Variants in SULF1 observed in about 807,000 individuals in gnomAD.
SULF1 encodes the protein extracellular sulfatase Sulf-1.
Under a neutral mutation model 110.5 loss-of-function variants are expected in SULF1, and 46 were observed. The observed-to-expected ratio is 0.42, with a 90% CI of 0.33 to 0.53. SULF1 has a LOEUF of 0.53. SULF1 is among the 20% of genes least tolerant of loss of function. The probability of loss-of-function intolerance (pLI) is 0.12; values close to 1 mark genes in which losing one functional copy is unlikely to be tolerated. For synonymous variants in SULF1, 371 were observed against 387.1 expected, an observed-to-expected ratio of 0.96 and a Z score of 0.49; for missense variants, 941 against 1,094.2, an observed-to-expected ratio of 0.86 and a Z score of 1.98.
chr8:69,566,152 G>C (rs894593046), intron 5 of SULF1, among the ~76,000 whole-genome samples: 2 of 151,966 alleles, frequency 1.3e-5, no homozygotes, highest in Non-Finnish European at 2.9e-5. Flanking sequence ...GAGCAAGGGT[G>C]TGTTTTATGT....
At chr8:69,603,038 C>T (rs1037952936) in intron 10 of SULF1, among the ~76,000 whole-genome samples, 154 bp from the exon 11 acceptor site, 2 of 152,110 alleles carry the variant, frequency 1.3e-5, no homozygotes, top group African/African-American at 4.8e-5. Flanking sequence ...TGATCACACA[C>T]CCACCCTTGC....
At chr8:69,598,170 G>T (rs1189154934) in intron 8 of SULF1, among the ~76,000 whole-genome samples, 1 of 151,748 alleles carries the variant, frequency 6.6e-6, no homozygotes, top group Non-Finnish European at 1.5e-5. Flanking sequence ...GTAGGCAGGA[G>T]AAAGTTTATA....
Position 69,556,798 on chromosome 8 carries a change from A to T in SULF1, c.-133-6741A>T, listed in dbSNP as rs573956690. ...TTAAGTCCAGGGGTACATGTGCAGG[A>T]TGTGTAGGTTTGTTACACAGGTAAA... is the stretch of plus-strand genomic sequence containing the variant. On this transcript the variant is annotated intron_variant, in intron 3 of 22. Coordinates refer to ENST00000402687, the MANE Select transcript of SULF1 (RefSeq NM_001128205.2). Among the ~76,000 whole-genome samples the T allele has an allele frequency of 3.3e-5, 5 of 152,186 alleles. No individual in the cohort carries two copies. In the East Asian group the frequency reaches 7.7e-4, roughly 24 times the overall value.
intron 1 of SULF1, among the ~76,000 whole-genome samples, chr8:69,486,193 T>C (rs1809698952): frequency 6.6e-6 from 1 of 152,140 alleles, no homozygotes. Flanking sequence ...CATAAAAGAC[T>C]CTCAGAAAAG....
In SULF1 at chr8:69,563,656, G is replaced by A. The variant is rs529721901; in HGVS notation, c.-61+45G>A. Reference sequence around the variant, plus strand: ...AGCTTTTACATTTGAGCTCTGTGTTGGAAATTCTATTTTGGCAATGAATTG... The same window carrying A: ...AGCTTTTACATTTGAGCTCTGTGTTAGAAATTCTATTTTGGCAATGAATTG... On this transcript the variant is annotated intron_variant, in intron 4 of 22. Transcript: ENST00000402687. 3.1e-5 allele frequency: 8 copies of A among 256,904 alleles called. No homozygotes were observed. In the East Asian group the frequency reaches 5.1e-4, roughly 16 times the overall value. The allele number at this position is 256,904 out of a possible 1,614,324, so 15.9% of individuals were successfully genotyped here. A position where few individuals can be genotyped will look rare whatever the true frequency, so the allele number is the denominator to read the frequency against.
At chr8:69,578,411 G>C (rs966000094) in intron 6 of SULF1, among the ~76,000 whole-genome samples, 5 of 151,826 alleles carry the variant, frequency 3.3e-5, no homozygotes, top group African/African-American at 1.2e-4. Context: ...GTGCAGGTTA[G>C]TTACATATGT....
chr8:69,655,772 A>G (rs948731005), intron 22 of SULF1, among the ~76,000 whole-genome samples: 1 of 151,508 alleles, frequency 6.6e-6, no homozygotes, highest in Non-Finnish European at 1.5e-5. Context: ...GGCTTCTCTC[A>G]CTCCCAGCTA....
chr8:69,537,536 A>C (rs1813509688), intron 3 of SULF1, among the ~76,000 whole-genome samples: 1 of 152,196 alleles, frequency 6.6e-6, no homozygotes, highest in African/African-American at 2.4e-5. Flanking sequence ...TACCCTCAGC[A>C]TGAGTGTGGG....
intron 21 of SULF1, among the ~76,000 whole-genome samples, chr8:69,639,223 T>C (rs1292650858): frequency 6.6e-6 from 1 of 152,246 alleles, no homozygotes; most frequent in African/African-American, 2.4e-5. Flanking sequence ...CAGGATATTC[T>C]CTTTTTTTAA....
At chr8:69,584,051 ACT>A (rs1045366760) in intron 6 of SULF1, among the ~76,000 whole-genome samples, 2 of 152,192 alleles carry the variant, frequency 1.3e-5, no homozygotes, top group African/African-American at 4.8e-5. Flanking sequence ...TTTTGTCCAA[ACT>A]CAAAGTAGGC....
intron 2 of SULF1, among the ~76,000 whole-genome samples, chr8:69,496,412 T>C (rs535968671): frequency 1.8e-4 from 28 of 152,354 alleles, no homozygotes; most frequent in African/African-American, 6.7e-4. Flanking sequence ...ACTTTGGAAA[T>C]CATCTTTGAC....
chr8:69,517,111 A>C (rs1401318974), intron 3 of SULF1, among the ~76,000 whole-genome samples: 2 of 152,200 alleles, frequency 1.3e-5, no homozygotes, highest in African/African-American at 4.8e-5. Context: ...GCATGGTGCC[A>C]GCATCTGGTG....
Position 69,631,901 on chromosome 8 carries a change from G to A in SULF1, c.2284+2222G>A, listed in dbSNP as rs148996256. On this transcript the variant is annotated intron_variant, in intron 19 of 22. Transcript: ENST00000402687. ...AAGCTCTGTTTTTCCCCCATGGGAC[G>A]TATCACATTTGTAATCATAGTTTTT... Among the ~76,000 whole-genome samples the A allele has an allele frequency of 1.3e-3, 191 of 152,346 alleles. 1 individual carries two copies. The highest frequency in any genetic ancestry group is 4.1e-3 in the African/African-American group (170 of 41,576).
intron 3 of SULF1, among the ~76,000 whole-genome samples, chr8:69,508,614 A>C (rs1407927421): frequency 6.6e-6 from 1 of 152,228 alleles, no homozygotes; most frequent in East Asian, 1.9e-4. Context: ...CATTATTTAC[A>C]AAGCAAATAA....
rs184709875 is a variant in SULF1, at chr8:69,611,974, T to A, written c.1377+7042T>A. Among the ~76,000 whole-genome samples the A allele has an allele frequency of 2.9e-3, 448 of 152,236 alleles. 4 individuals carry two copies. The highest frequency in any genetic ancestry group is 0.011 in the African/African-American group (439 of 41,552). ...CCAAGCAGTGTATACTATACCCAGT[T>A]TGTAGTCTTTTATCCCTCACCTGCT... is the stretch of plus-strand genomic sequence containing the variant. On this transcript the variant is annotated intron_variant, in intron 13 of 22. Coordinates refer to ENST00000402687, the MANE Select transcript of SULF1 (RefSeq NM_001128205.2).
In SULF1 at chr8:69,542,948, A is replaced by C. The variant is rs558052908; in HGVS notation, c.-133-20591A>C. Among the ~76,000 whole-genome samples the C allele has an allele frequency of 3.3e-5, 5 of 152,316 alleles. No individual in the cohort carries two copies. The East Asian group carries it at 5.8e-4, about 18-fold the overall frequency. ...AATAATGGGGGTAAAGCAAATTAAT[A>C]TGAAATGGCCCCGCTTGTGAGACCA... On this transcript the variant is annotated intron_variant, in intron 3 of 22. Transcript: ENST00000402687.
At chr8:69,529,011 C>T (rs1409022190) in intron 3 of SULF1, among the ~76,000 whole-genome samples, 1 of 152,120 alleles carries the variant, frequency 6.6e-6, no homozygotes, top group Non-Finnish European at 1.5e-5. Flanking sequence ...TTTCTATGTA[C>T]CAGCTCTTCT....
At chr8:69,622,304 C>T (rs780731510) in intron 14 of SULF1, among the ~76,000 whole-genome samples, 20 of 152,072 alleles carry the variant, frequency 1.3e-4, no homozygotes, top group Non-Finnish European at 4.4e-5. Flanking sequence ...TAAGGCCAGG[C>T]GCGGTGACTC....
chr8:69,591,926 G>T (rs967581632), intron 8 of SULF1, among the ~76,000 whole-genome samples: 3 of 152,170 alleles, frequency 2.0e-5, no homozygotes, highest in African/African-American at 7.2e-5. Context: ...TCTCATCCTC[G>T]ATAAAGTAAC....
Sources: allele counts gnomAD v4.1 joint callset (sites outside exome capture counted in the v4.1 genomes callset), GRCh38; gene constraint gnomAD v4.1.1; transcripts MANE v1.5; gene names NCBI Gene and HGNC (gene_info 2026-07-23, HGNC 2026-07-21).